Variants in CACNA1I observed in about 807,000 individuals in gnomAD.
CACNA1I encodes the protein voltage-dependent T-type calcium channel subunit alpha-1I.
A neutral mutation model predicts 201.6 loss-of-function variants in CACNA1I; 74 were observed. The ratio of observed to expected loss-of-function variants is 0.37; its 90% CI spans 0.30 to 0.45. The LOEUF (loss-of-function observed/expected upper bound fraction) is 0.45, where lower values mean the gene tolerates loss of function less well. Ranked by LOEUF, CACNA1I falls within the 20% of genes least tolerant of loss-of-function variation. The pLI, the probability that CACNA1I is intolerant of heterozygous loss-of-function variation, is 1.00. For missense variants in CACNA1I, 2,346 were observed against 3,138.1 expected, an observed-to-expected ratio of 0.75 and a Z score of 6.03; for synonymous variants, 1,431 against 1,345.2, an observed-to-expected ratio of 1.06 and a Z score of -1.40.
At chr22:39,654,987 G>A (rs538267736) in intron 10 of CACNA1I, among the ~76,000 whole-genome samples, 46 of 152,246 alleles carry the variant, frequency 3.0e-4, no homozygotes, top group Middle Eastern at 6.8e-3. Flanking sequence ...GAAAAGGGGG[G>A]CAGGTGAAGG....
At chr22:39,604,525 T>G (rs1008367882) in intron 3 of CACNA1I, among the ~76,000 whole-genome samples, 2 of 152,160 alleles carry the variant, frequency 1.3e-5, no homozygotes, top group African/African-American at 4.8e-5. Context: ...CCCTGCATCT[T>G]CAGTTTGCAC....
intron 4 of CACNA1I, 122 bp downstream of exon 4, chr22:39,619,529 T>A (rs1933664768): frequency 2.8e-6 from 2 of 718,270 alleles, no homozygotes; most frequent in Admixed American, 4.1e-5. Context: ...GAAGACTGAT[T>A]AGGGCCCGGG....
intron 1 of CACNA1I, among the ~76,000 whole-genome samples, chr22:39,586,298 T>A (rs1223522724): frequency 6.6e-6 from 1 of 152,048 alleles, no homozygotes; most frequent in Non-Finnish European, 1.5e-5. Flanking sequence ...CAGACCAGCC[T>A]GGCCAACATA....
chr22:39,596,839 G>A (rs1348577001), intron 1 of CACNA1I, among the ~76,000 whole-genome samples: 4 of 152,076 alleles, frequency 2.6e-5, no homozygotes, highest in East Asian at 1.9e-4. Context: ...GTGCTGGGAC[G>A]AGTTCAAATG....
chr22:39,660,943 CA>C (rs1009995094), intron 15 of CACNA1I, among the ~76,000 whole-genome samples, 164 bp from the exon 16 acceptor site: 3 of 152,136 alleles, frequency 2.0e-5, no homozygotes, highest in Non-Finnish European at 4.4e-5. Flanking sequence ...GAAGGGGAGG[CA>C]CTGTGATGGG....
At chr22:39,593,545 G>A (rs1196149595) in intron 1 of CACNA1I, among the ~76,000 whole-genome samples, 1 of 152,204 alleles carries the variant, frequency 6.6e-6, no homozygotes, top group Non-Finnish European at 1.5e-5. Context: ...TAGGCAGAAG[G>A]CGTGTTTGGA....
rs761294137 is a variant in CACNA1I at position 39,664,751 on chromosome 22, G to A, written c.3679G>A (p.Gly1227Ser). ...ACCCCCGCCCCAGGTAGTCTCGCTG[G>A]GCCTGTACTTCGGCGAGCAGGCGTA... ...GEMTLKVVSL[G>S]LYFGEQAYLR... Residue 1227 changes from glycine (G) to serine (S), a missense_variant, in exon 21 of 37, where the codon GGC becomes AGC. By Grantham distance (56) the Gly-to-Ser change is moderately conservative. Transcript: ENST00000402142. 3.1e-6 allele frequency: 5 copies of A among 1,604,224 alleles called. No homozygotes were observed. Among genetic ancestry groups the A allele is most frequent in the Non-Finnish European group, 4.2e-6 (5 of 1,177,308 alleles).
chr22:39,634,575 C>T lies in CACNA1I; in HGVS notation c.591C>T (p.Ile197=). 1 of 1,613,896 alleles carries T rather than the reference C, an allele frequency of 6.2e-7. No individual in the cohort carries two copies. Among genetic ancestry groups the T allele is most frequent in the African/African-American group, 1.3e-5 (1 of 74,978 alleles). Residue 197 remains isoleucine (I), a synonymous_variant, in exon 5 of 37, where the codon ATC becomes ATT. Transcript: ENST00000402142. ...CTTTTCCCCTCCCAGGTATGCGGAT[C>T]CTGGTGAACCTGCTCCTGGACACAC... ...KAINRVPSMR[I]LVNLLLDTLP... is the part of the protein sequence containing the mutation.
In CACNA1I at chr22:39,659,179, G is replaced by C; in HGVS notation, c.2330+63G>C. The C allele has an allele frequency of 1.9e-6, 3 of 1,587,350 alleles. No individual in the cohort carries two copies. The highest frequency in any genetic ancestry group is 2.6e-6 in the Non-Finnish European group (3 of 1,167,586). On this transcript the variant is annotated intron_variant, in intron 12 of 36. Transcript: ENST00000402142. This position sits in a 1 kb window ranked among gnomAD's most constrained non-coding sequence, Gnocchi z 4.3. The stretch of plus-strand genomic sequence containing the variant: ...GCTGGGGCTGTGGGCGGGAGCCTGG[G>C]GGATGTGGTCCACTGTGCTTCTCTG...
At chr22:39,580,390 G>A (rs549141665) in intron 1 of CACNA1I, among the ~76,000 whole-genome samples, 2 of 152,336 alleles carry the variant, frequency 1.3e-5, no homozygotes, top group African/African-American at 2.4e-5. Flanking sequence ...AGCAGGGTGG[G>A]CCCAGCAGGC....
Position 39,684,619 on chromosome 22 carries a change from C to T in CACNA1I, c.6027+121C>T, listed in dbSNP as rs1033738977. 3.3e-5 allele frequency: 35 copies of T among 1,060,744 alleles called. No homozygotes were observed. Among genetic ancestry groups the T allele is most frequent in the Admixed American group, 6.4e-5 (3 of 47,120 alleles). 65.7% of individuals were successfully genotyped at this position (1,060,744 alleles called of 1,614,324 possible). A position where few individuals can be genotyped will look rare whatever the true frequency, so the allele number is the denominator to read the frequency against. On this transcript the variant is annotated intron_variant, in intron 36 of 36. Transcript: ENST00000402142. This position sits in a 1 kb window ranked among gnomAD's most constrained non-coding sequence, Gnocchi z 4.6. The stretch of plus-strand genomic sequence containing the variant: ...CCCAACCAAAGGCCGAGGGCACCAC[C>T]GTGCAAGGGGGTTTGGGAACGCTGG...
intron 16 of CACNA1I, 130 bp from the exon 17 acceptor site, chr22:39,661,835 C>T (rs1935020541): frequency 1.7e-6 from 1 of 589,270 alleles, no homozygotes; most frequent in Non-Finnish European, 2.9e-6. Context: ...GGGTCAAGCC[C>T]ATTCCATCAC....
intron 10 of CACNA1I, among the ~76,000 whole-genome samples, chr22:39,654,599 G>T (rs1280523973): frequency 6.6e-6 from 1 of 152,210 alleles, no homozygotes; most frequent in African/African-American, 2.4e-5. Context: ...CAGGTCTGGG[G>T]TGACTCTGGG....
At chr22:39,679,492 C>T (rs957309162) in intron 32 of CACNA1I, 47 bp downstream of exon 32, 14 of 1,313,286 alleles carry the variant, frequency 1.1e-5, no homozygotes, top group South Asian at 1.6e-5. Context: ...GGGGGGGCAC[C>T]GCAGGGCCAG....
intron 7 of CACNA1I, among the ~76,000 whole-genome samples, chr22:39,643,170 C>G (rs893236348): frequency 2.0e-5 from 3 of 152,216 alleles, no homozygotes; most frequent in Admixed American, 6.5e-5. Context: ...TTCTCTGCCT[C>G]GTGTCTCTGG....
At chr22:39,605,418 T>C (rs976681694) in intron 3 of CACNA1I, among the ~76,000 whole-genome samples, 1 of 152,198 alleles carries the variant, frequency 6.6e-6, no homozygotes, top group African/African-American at 2.4e-5. Context: ...TAGAAAGCTC[T>C]TTCTTTCACG....
In CACNA1I at chr22:39,630,358, C is replaced by T. The variant is rs532459580; in HGVS notation, c.581-4207C>T. 1.2e-4 allele frequency among the ~76,000 whole-genome samples: 18 copies of T among 152,358 alleles called. No homozygotes were observed. The South Asian group carries it at 2.9e-3, about 25-fold the overall frequency. On this transcript the variant is annotated intron_variant, in intron 4 of 36. Coordinates refer to ENST00000402142, the MANE Select transcript of CACNA1I (RefSeq NM_021096.4). ...TTATTTATTGCCTGCTTTTCCCTAC[C>T]GTACCTGGGATGTGAGCCTCACGAG...
chr22:39,640,837 C>T (rs1476668092), intron 5 of CACNA1I, 30 bp from the exon 6 acceptor site: 1 of 1,571,878 alleles, frequency 6.4e-7, no homozygotes, highest in East Asian at 2.3e-5. Context: ...CTCCCCTTTC[C>T]CTCTTTTACC....
chr22:39,679,873 T>C lies in CACNA1I; in HGVS notation c.5541+5T>C. ...TGTCACCACGACAAGCAAGAGGTAA[T>C]GGCAGCCCGGGAGGCCTGGCCCCTT... is the stretch of plus-strand genomic sequence containing the variant. On this transcript the variant is annotated splice_donor_5th_base_variant and intron_variant, in intron 33 of 36. Coordinates refer to ENST00000402142, the MANE Select transcript of CACNA1I (RefSeq NM_021096.4). The C allele has an allele frequency of 4.3e-6, 7 of 1,610,282 alleles. No individual in the cohort carries two copies. The highest frequency in any genetic ancestry group is 5.9e-6 in the Non-Finnish European group (7 of 1,178,428).
Sources: gnomAD v4.1 joint callset for allele counts (sites outside exome capture counted in the v4.1 genomes callset) on GRCh38, gnomAD v4.1.1 for gene constraint, Gnocchi (gnomAD v3.1) non-coding constraint, MANE v1.5 for transcripts, NCBI Gene and HGNC (gene_info 2026-07-23, HGNC 2026-07-21) for gene names.